The following MAP2 variants were observed in gnomAD, a reference collection of about 807,000 sequenced individuals.
The protein encoded by MAP2 is microtubule associated protein 2, also known as microtubule-associated protein 2.
Under a neutral mutation model 137.6 loss-of-function variants are expected in MAP2, and 14 were observed. The observed-to-expected ratio is 0.10, with a 90% confidence interval of 0.07 to 0.16. The LOEUF (loss-of-function observed/expected upper bound fraction) is 0.16, where lower values mean the gene tolerates loss of function less well. MAP2 is among the 10% of genes least tolerant of loss of function. MAP2 has a pLI of 1.00. For missense variants in MAP2, 2,088 were observed against 2,191.5 expected (o/e 0.95, Z 0.94); for synonymous variants, 786 against 782.3 (o/e 1.00, Z -0.08).
chr2:209,494,109 A>C (rs2059451970), intron 1 of MAP2, among the ~76,000 whole-genome samples: 1 of 152,200 alleles, frequency 6.6e-6, no homozygotes, highest in Admixed American at 6.5e-5. Flanking sequence ...AGCTATAAAA[A>C]AGAACGAGTT....
Position 209,562,653 on chromosome 2 carries a change from C to T in MAP2, c.-171-17383C>T, listed in dbSNP as rs192977478. 8.0e-3 allele frequency among the ~76,000 whole-genome samples: 1,217 copies of T among 151,784 alleles called. 2 individuals are homozygous for T. The highest frequency in any genetic ancestry group is 0.012 in the Non-Finnish European group (794 of 67,940). ...CGGAGGTTGCAGTGAGCCAAGATTG[C>T]GCCACCACACCCCAGCCTGGATGAC... On this transcript the variant is annotated intron_variant, in intron 2 of 15. Coordinates refer to ENST00000682079, the MANE Select transcript of MAP2 (RefSeq NM_001375505.1).
At position 209,578,929 on chromosome 2, in the gene MAP2, GT is replaced by G. The variant is rs376282854; in HGVS notation, c.-171-1095del. 1.0e-2 allele frequency among the ~76,000 whole-genome samples: 1,395 copies of G among 139,940 alleles called. 12 individuals carry two copies. The highest frequency in any genetic ancestry group is 0.012 in the African/African-American group (462 of 37,602). The allele number at this position is 139,940 out of a possible 152,430, so 91.8% of individuals were successfully genotyped here. A position where few individuals can be genotyped will look rare whatever the true frequency, so the allele number is the denominator to read the frequency against. Reference sequence around the variant, plus strand: ...ATCGGCCCTGGTTTTCTAATTCTCTGTTTTTTTTTTTTCTTTTTCTCTTGTA... The same window carrying G: ...ATCGGCCCTGGTTTTCTAATTCTCTGTTTTTTTTTTTCTTTTTCTCTTGTA... On this transcript the variant is annotated intron_variant, in intron 2 of 15. Transcript: ENST00000682079.
At chr2:209,591,867 G>A (rs1026447182) in intron 3 of MAP2, among the ~76,000 whole-genome samples, 5 of 152,104 alleles carry the variant, frequency 3.3e-5, no homozygotes, top group African/African-American at 1.2e-4. Context: ...TTTTTATATT[G>A]TCAAGGTTTA....
chr2:209,532,831 A>G (rs1031626617), intron 2 of MAP2, among the ~76,000 whole-genome samples: 2 of 152,176 alleles, frequency 1.3e-5, no homozygotes, highest in African/African-American at 4.8e-5. Flanking sequence ...TAATTAGCCA[A>G]CAAATTTGAT....
At chr2:209,520,343 TCA>T (rs1188228575) in intron 2 of MAP2, among the ~76,000 whole-genome samples, 1 of 152,100 alleles carries the variant, frequency 6.6e-6, no homozygotes, top group African/African-American at 2.4e-5. Flanking sequence ...ATTCTTTTCC[TCA>T]CACTTTTTCC....
chr2:209,452,990 T>C (rs1700660261), intron 1 of MAP2, among the ~76,000 whole-genome samples: 1 of 152,184 alleles, frequency 6.6e-6, no homozygotes, highest in Admixed American at 6.5e-5. Flanking sequence ...GCTTTAATCT[T>C]TTGTTTTTGC....
At chr2:209,698,186 T>A (rs2060779938) in intron 10 of MAP2, among the ~76,000 whole-genome samples, 2 of 152,276 alleles carry the variant, frequency 1.3e-5, no homozygotes, top group African/African-American at 4.8e-5. Context: ...TACATATTTT[T>A]TCCTAAGTTT....
chr2:209,636,595 A>G (rs1447696336), intron 4 of MAP2, among the ~76,000 whole-genome samples: 1 of 151,480 alleles, frequency 6.6e-6, no homozygotes, highest in African/African-American at 2.4e-5. Flanking sequence ...ACACACACTT[A>G]TAAGCAACAG....
At chr2:209,608,809 A>G (rs2085722265) in intron 3 of MAP2, among the ~76,000 whole-genome samples, 1 of 151,652 alleles carries the variant, frequency 6.6e-6, no homozygotes, top group Admixed American at 6.6e-5. Context: ...TCTATCTCCC[A>G]CTGTTCTCTG....
chr2:209,696,189 A>G lies in MAP2; in HGVS notation c.4019A>G (p.Gln1340Arg). 1 of 1,613,358 alleles carries G rather than the reference A, an allele frequency of 6.2e-7. No homozygotes were observed. The highest frequency in any genetic ancestry group is 8.5e-7 in the Non-Finnish European group (1 of 1,179,790). Reference protein sequence around the residue: ...EFEVEEAAEAQAEPKDGSPEA... With the variant: ...EFEVEEAAEARAEPKDGSPEA... The stretch of plus-strand genomic sequence containing the variant: ...GAAGTAGAAGAGGCAGCTGAAGCCC[A>G]GGCAGAACCCAAAGATGGTTCCCCA... The change falls in exon 8 of 16, where the codon CAG (glutamine) becomes CGG (arginine). Residue 1340 changes from glutamine (Q) to arginine (R), a missense_variant. By Grantham distance (43) the Gln-to-Arg change is conservative. Transcript: ENST00000682079.
At chr2:209,660,082 C>T (rs1426173458) in intron 5 of MAP2, among the ~76,000 whole-genome samples, 2 of 152,004 alleles carry the variant, frequency 1.3e-5, no homozygotes, top group African/African-American at 4.8e-5. Flanking sequence ...ACGTGACGAT[C>T]AAAGGCCAGT....
intron 2 of MAP2, among the ~76,000 whole-genome samples, chr2:209,564,257 A>G (rs1402220730): frequency 1.3e-5 from 2 of 152,230 alleles, no homozygotes; most frequent in Admixed American, 1.3e-4. Context: ...CTTTGTTCTC[A>G]GTGCAAATTC....
intron 4 of MAP2, among the ~76,000 whole-genome samples, chr2:209,627,108 C>T (rs2092433907): frequency 6.6e-6 from 1 of 151,996 alleles, no homozygotes; most frequent in Admixed American, 6.6e-5. Context: ...TTTCCCTATA[C>T]ATGAAACACT....
chr2:209,516,565 A>G (rs1047137923), intron 2 of MAP2, among the ~76,000 whole-genome samples: 1 of 152,182 alleles, frequency 6.6e-6, no homozygotes, highest in African/African-American at 2.4e-5. Flanking sequence ...CTTACCGAAA[A>G]TAAAGGTATA....
chr2:209,702,584 G>A (rs1050067670), intron 11 of MAP2, among the ~76,000 whole-genome samples: 2 of 151,662 alleles, frequency 1.3e-5, no homozygotes, highest in African/African-American at 4.8e-5. Flanking sequence ...CTCTTTATTA[G>A]GAAACAGACC....
Position 209,730,427 on chromosome 2 carries a change from T to C in MAP2, c.*30T>C, listed in dbSNP as rs2075632673. 6 of 1,540,600 alleles carry C rather than the reference T, an allele frequency of 3.9e-6. No individual in the cohort carries two copies. Among genetic ancestry groups the C allele is most frequent in the Non-Finnish European group, 5.4e-6 (6 of 1,117,552 alleles). ...TTCTCATTTAGCATTGAAATAATAA[T>C]ATTTAGGCATGAGCTCTTGGCAGGA... On this transcript the variant is annotated 3_prime_UTR_variant, in exon 16 of 16. Transcript: ENST00000682079.
intron 3 of MAP2, among the ~76,000 whole-genome samples, chr2:209,619,590 C>T (rs1158513808): frequency 1.3e-5 from 2 of 151,818 alleles, no homozygotes; most frequent in Admixed American, 6.6e-5. Context: ...TGCTGCTCAA[C>T]GTTCCCTATA....
chr2:209,562,418 TA>T (rs902493078), intron 2 of MAP2, among the ~76,000 whole-genome samples: 5 of 151,236 alleles, frequency 3.3e-5, no homozygotes, highest in African/African-American at 1.2e-4. Flanking sequence ...TAATGCAGGT[TA>T]GGCACGCTGG....
chr2:209,728,451 A>C (rs1310346447), intron 14 of MAP2, among the ~76,000 whole-genome samples: 2 of 152,254 alleles, frequency 1.3e-5, no homozygotes, highest in Non-Finnish European at 2.9e-5. Context: ...ATCTCTAAGC[A>C]TGAGTTAAAT....
Sources: gnomAD v4.1 joint callset for allele counts (sites outside exome capture counted in the v4.1 genomes callset) on GRCh38, gnomAD v4.1.1 for gene constraint, MANE v1.5 for transcripts, NCBI Gene and HGNC (gene_info 2026-07-23, HGNC 2026-07-21) for gene names.